CNTNAP5: variants seen among roughly 807,000 people sequenced by gnomAD.
CNTNAP5 encodes contactin associated protein family member 5.
In CNTNAP5, 72 loss-of-function variants were observed where a neutral mutation model predicts 150.2. The observed-to-expected ratio is 0.48, with a 90% CI of 0.40 to 0.58. CNTNAP5 has a LOEUF of 0.58. CNTNAP5 is among the 20% of genes least tolerant of loss of function. The pLI, the probability that CNTNAP5 is intolerant of heterozygous loss-of-function variation, is 0.00. For missense variants in CNTNAP5, 1,636 were observed against 1,626.2 expected (o/e 1.01, Z -0.10); for synonymous variants, 672 against 619.8 (o/e 1.08, Z -1.25).
chr2:124,418,591 C>T (rs946057611), intron 4 of CNTNAP5, among the ~76,000 whole-genome samples: 3 of 152,138 alleles, frequency 2.0e-5, no homozygotes, highest in Non-Finnish European at 4.4e-5. Context: ...TAAAGCCCTG[C>T]ACACAGGGAA....
intron 13 of CNTNAP5, among the ~76,000 whole-genome samples, chr2:124,660,337 A>C (rs2105044030): frequency 6.6e-6 from 1 of 152,270 alleles, no homozygotes; most frequent in Non-Finnish European, 1.5e-5. Flanking sequence ...TAGAAAGATA[A>C]AGAAAGACAC....
intron 11 of CNTNAP5, among the ~76,000 whole-genome samples, chr2:124,575,652 C>T (rs1324605716): frequency 1.3e-5 from 2 of 152,164 alleles, no homozygotes. Context: ...ATCACCTCCA[C>T]GTATACAGGT....
intron 21 of CNTNAP5, among the ~76,000 whole-genome samples, chr2:124,891,125 G>A (rs1040476695): frequency 6.6e-6 from 1 of 152,090 alleles, no homozygotes; most frequent in African/African-American, 2.4e-5. Flanking sequence ...TCCTACTAGA[G>A]TTCTTCAGCT....
rs138659635 is a variant in CNTNAP5 at position 124,611,673 on chromosome 2, G to A, written c.1876+1753G>A. 1.4e-3 allele frequency among the ~76,000 whole-genome samples: 210 copies of A among 152,280 alleles called. 1 individual carries two copies. The highest frequency in any genetic ancestry group is 4.4e-3 in the South Asian group (21 of 4,822). Reference sequence around the variant, plus strand: ...CCAATTCAGTAAATGCACTTTTACTGAGCTTTTCAAGTGATTCTGATGCAA... The same window carrying A: ...CCAATTCAGTAAATGCACTTTTACTAAGCTTTTCAAGTGATTCTGATGCAA... On this transcript the variant is annotated intron_variant, in intron 12 of 23. Transcript: ENST00000682447.
chr2:124,723,694 T>C (rs1235795494), intron 13 of CNTNAP5, among the ~76,000 whole-genome samples: 4 of 152,184 alleles, frequency 2.6e-5, no homozygotes, highest in Non-Finnish European at 5.9e-5. Context: ...GGCTTCAATT[T>C]TGACTTGCAG....
chr2:124,388,909 T>G (rs2104746218), intron 3 of CNTNAP5, among the ~76,000 whole-genome samples: 1 of 152,204 alleles, frequency 6.6e-6, no homozygotes, highest in Non-Finnish European at 1.5e-5. Flanking sequence ...GGGGTCCATT[T>G]TTGTGCTCAC....
intron 23 of CNTNAP5, among the ~76,000 whole-genome samples, 161 bp downstream of exon 23, chr2:124,911,699 T>A (rs894630602): frequency 6.6e-6 from 1 of 152,054 alleles, no homozygotes; most frequent in Non-Finnish European, 1.5e-5. Flanking sequence ...GTGTGCTGAA[T>A]GATCAAAAGC....
chr2:124,405,389 C>T (rs372399138), intron 3 of CNTNAP5, among the ~76,000 whole-genome samples: 2 of 152,188 alleles, frequency 1.3e-5, no homozygotes, highest in East Asian at 3.9e-4. Flanking sequence ...ATGGAGGAGA[C>T]CCTTGAAAAC....
chr2:124,662,333 G>A (rs1412707391), intron 13 of CNTNAP5, among the ~76,000 whole-genome samples: 1 of 152,018 alleles, frequency 6.6e-6, no homozygotes, highest in Non-Finnish European at 1.5e-5. Flanking sequence ...TAATCCTTTG[G>A]GTATATACCC....
At chr2:124,682,323 T>C (rs571360005) in intron 13 of CNTNAP5, among the ~76,000 whole-genome samples, 1 of 152,332 alleles carries the variant, frequency 6.6e-6, no homozygotes, top group African/African-American at 2.4e-5. Flanking sequence ...GCTGTCGTTT[T>C]GGTCATGCGC....
At chr2:124,034,398 G>A (rs1296826764) in intron 1 of CNTNAP5, among the ~76,000 whole-genome samples, 2 of 152,134 alleles carry the variant, frequency 1.3e-5, no homozygotes, top group African/African-American at 4.8e-5. Context: ...CCTTCATCTG[G>A]GTAATCGGAT....
At chr2:124,452,826 G>A (rs1693019129) in intron 6 of CNTNAP5, among the ~76,000 whole-genome samples, 1 of 152,136 alleles carries the variant, frequency 6.6e-6, no homozygotes, top group Admixed American at 6.5e-5. Flanking sequence ...GGAAAAGGGG[G>A]AGAGTACTAC....
intron 1 of CNTNAP5, among the ~76,000 whole-genome samples, chr2:124,206,316 T>G (rs1299258944): frequency 3.9e-5 from 6 of 152,188 alleles, no homozygotes; most frequent in Non-Finnish European, 7.3e-5. Flanking sequence ...GCCTATTGTC[T>G]GGACTCAATA....
chr2:124,117,984 T>C (rs1487894551), intron 1 of CNTNAP5, among the ~76,000 whole-genome samples: 1 of 152,110 alleles, frequency 6.6e-6, no homozygotes, highest in Non-Finnish European at 1.5e-5. Flanking sequence ...TACATGGAAC[T>C]ATATTTAGTC....
At chr2:124,574,324 G>T (rs928776630) in intron 11 of CNTNAP5, among the ~76,000 whole-genome samples, 1 of 152,148 alleles carries the variant, frequency 6.6e-6, no homozygotes, top group Non-Finnish European at 1.5e-5. Context: ...ATTATACATG[G>T]TCACTAAGGA....
chr2:124,390,477 A>G (rs1035310262), intron 3 of CNTNAP5, among the ~76,000 whole-genome samples: 2 of 152,188 alleles, frequency 1.3e-5, no homozygotes, highest in African/African-American at 4.8e-5. Flanking sequence ...TCTGATAAAT[A>G]TTATTATGAG....
At chr2:124,691,199 C>T (rs569441882) in intron 13 of CNTNAP5, among the ~76,000 whole-genome samples, 1 of 152,190 alleles carries the variant, frequency 6.6e-6, no homozygotes, top group African/African-American at 2.4e-5. Flanking sequence ...ATTTAAGCAA[C>T]ATTTTTCTTG....
chr2:124,497,899 T>A (rs183261195), intron 7 of CNTNAP5, among the ~76,000 whole-genome samples: 1 of 152,320 alleles, frequency 6.6e-6, no homozygotes, highest in East Asian at 1.9e-4. Flanking sequence ...AACAGATAAG[T>A]GTAAATTCAT....
intron 7 of CNTNAP5, among the ~76,000 whole-genome samples, chr2:124,501,257 G>A (rs1694273017): frequency 6.6e-6 from 1 of 152,140 alleles, no homozygotes; most frequent in African/African-American, 2.4e-5. Context: ...CAAAGGATCA[G>A]GTCACATTTA....
Sources: gnomAD v4.1 joint callset for allele counts (sites outside exome capture counted in the v4.1 genomes callset) on GRCh38, gnomAD v4.1.1 for gene constraint, MANE v1.5 for transcripts, NCBI Gene and HGNC (gene_info 2026-07-23, HGNC 2026-07-21) for gene names.